KHDRBS2: variants seen among roughly 807,000 people sequenced by gnomAD.
KHDRBS2 encodes KH RNA binding domain containing, signal transduction associated 2, also known as KH domain-containing, RNA-binding, signal transduction-associated protein 2.
KHDRBS2 carries 26 observed loss-of-function variants against 44.3 expected under a neutral mutation model. That is an observed-to-expected ratio of 0.59 (90% CI 0.43 to 0.81). KHDRBS2 has a LOEUF of 0.81. KHDRBS2 is among the 40% of genes least tolerant of loss of function. KHDRBS2 has a pLI of 0.00. For synonymous variants in KHDRBS2, 194 were observed against 151.1 expected (o/e 1.28, Z -2.08); for missense variants, 476 against 433.1 (o/e 1.10, Z -0.88).
chr6:61,576,425 C>A, the KHDRBS2 span, among the ~76,000 whole-genome samples: 3 of 152,026 alleles, frequency 2.0e-5, no homozygotes, highest in Non-Finnish European at 4.4e-5. Context: ...ATTTTGTATG[C>A]TGAAACTTTA....
intron 6 of KHDRBS2, among the ~76,000 whole-genome samples, chr6:61,766,760 T>C (rs1403947221): frequency 6.6e-6 from 1 of 152,138 alleles, no homozygotes; most frequent in Admixed American, 6.6e-5. Context: ...TCCATGTGGA[T>C]GTATAGTTTT....
chr6:61,816,820 A>C (rs1438218234), intron 6 of KHDRBS2: 1 of 383,050 alleles, frequency 2.6e-6, no homozygotes, highest in Non-Finnish European at 5.2e-6. Flanking sequence ...ATTTTATATT[A>C]ATATTTTAGT....
intron 1 of KHDRBS2, among the ~76,000 whole-genome samples, chr6:62,252,609 T>G (rs1836736402): frequency 1.3e-5 from 2 of 152,004 alleles, no homozygotes; most frequent in Non-Finnish European, 2.9e-5. Flanking sequence ...AGCTCAATAC[T>G]TATGTACTGA....
the KHDRBS2 span, among the ~76,000 whole-genome samples, chr6:61,603,792 G>A: frequency 6.6e-6 from 1 of 151,938 alleles, no homozygotes; most frequent in African/African-American, 2.4e-5. Context: ...TTCCTGGCTG[G>A]CCTTCAATCC....
At chr6:61,802,039 G>T (rs1786362475) in intron 6 of KHDRBS2, among the ~76,000 whole-genome samples, 1 of 152,140 alleles carries the variant, frequency 6.6e-6, no homozygotes, top group African/African-American at 2.4e-5. Context: ...GATGGAAAGG[G>T]TCACATGAGA....
At chr6:61,591,149 G>T in the KHDRBS2 span, among the ~76,000 whole-genome samples, 1 of 152,116 alleles carries the variant, frequency 6.6e-6, no homozygotes, top group Admixed American at 6.6e-5. Context: ...TGCACTTGTG[G>T]GGAAATAATG....
At chr6:62,059,198 G>T (rs1233618271) in intron 2 of KHDRBS2, among the ~76,000 whole-genome samples, 39 of 24,884 alleles carry the variant, frequency 1.6e-3, no homozygotes, top group South Asian at 5.0e-3. Flanking sequence ...AAGTTAGGAA[G>T]TTTTTTTTTT....
chr6:61,625,837 T>C, the KHDRBS2 span, among the ~76,000 whole-genome samples: 1 of 152,206 alleles, frequency 6.6e-6, no homozygotes, highest in Non-Finnish European at 1.5e-5. Context: ...CCTATGAAAG[T>C]TCTCATTGTG....
At chr6:61,660,822 A>T in the KHDRBS2 span, among the ~76,000 whole-genome samples, 3 of 151,840 alleles carry the variant, frequency 2.0e-5, no homozygotes, top group Admixed American at 6.6e-5. Context: ...GAGTACAGTC[A>T]TACTTTAGGC....
chr6:61,666,743 A>G, the KHDRBS2 span, among the ~76,000 whole-genome samples: 27 of 151,538 alleles, frequency 1.8e-4, no homozygotes, highest in East Asian at 5.1e-3. Context: ...GTAAAACACT[A>G]AACTCTCTAA....
intron 6 of KHDRBS2, among the ~76,000 whole-genome samples, chr6:61,887,635 T>C (rs73487351): frequency 6.6e-6 from 1 of 152,312 alleles, no homozygotes; most frequent in African/African-American, 2.4e-5. Context: ...AGAAATTTAA[T>C]GCTGAGGCTC....
At chr6:61,559,155 A>T in the KHDRBS2 span, among the ~76,000 whole-genome samples, 1 of 152,052 alleles carries the variant, frequency 6.6e-6, no homozygotes. Context: ...TTGATTTTTT[A>T]TCATTATATA....
chr6:61,679,258 G>A (rs1209373255), downstream of KHDRBS2, among the ~76,000 whole-genome samples: 2 of 151,936 alleles, frequency 1.3e-5, no homozygotes, highest in East Asian at 3.9e-4. Context: ...GCTTACATTT[G>A]AAGTTAGCAA....
intron 2 of KHDRBS2, among the ~76,000 whole-genome samples, chr6:62,054,382 T>C (rs1364526289): frequency 6.6e-6 from 1 of 152,064 alleles, no homozygotes; most frequent in Non-Finnish European, 1.5e-5. Context: ...CCTGTGTATG[T>C]TAAAATGACA....
chr6:61,582,679 G>GTAGT, the KHDRBS2 span, among the ~76,000 whole-genome samples: 1 of 136,114 alleles, frequency 7.3e-6, no homozygotes, highest in African/African-American at 2.7e-5. Flanking sequence ...ATTCCTTATG[G>GTAGT]TAGTTATTAT....
At chr6:62,178,807 C>A (rs1033878211) in intron 1 of KHDRBS2, among the ~76,000 whole-genome samples, 10 of 151,310 alleles carry the variant, frequency 6.6e-5, no homozygotes, top group African/African-American at 1.9e-4. Flanking sequence ...AAAATACTAA[C>A]TAAGATAAGA....
At chr6:62,111,079 A>T (rs543352728) in intron 2 of KHDRBS2, among the ~76,000 whole-genome samples, 3 of 152,190 alleles carry the variant, frequency 2.0e-5, no homozygotes, top group East Asian at 3.9e-4. Flanking sequence ...GTAACAACCA[A>T]GTTTAGAACT....
chr6:61,848,562 T>C lies in KHDRBS2; in HGVS notation c.810+46073A>G, dbSNP rs186792023. On this transcript the variant is annotated intron_variant, in intron 6 of 8. Transcript: ENST00000281156. Reference sequence around the variant, plus strand: ...ATATGTATATATATACATATATATATGTATATATATATACATATATATATA... The same window carrying C: ...ATATGTATATATATACATATATATACGTATATATATATACATATATATATA... Among the ~76,000 whole-genome samples the C allele has an allele frequency of 9.0e-3, 282 of 31,428 alleles. 22 individuals are homozygous for C. The highest frequency in any genetic ancestry group is 0.012 in the Non-Finnish European group (206 of 16,664). 20.6% of individuals were successfully genotyped at this position (31,428 alleles called of 152,430 possible). A position where few individuals can be genotyped will look rare whatever the true frequency, so the allele number is the denominator to read the frequency against.
At chr6:62,221,864 C>A (rs1830955293) in intron 1 of KHDRBS2, among the ~76,000 whole-genome samples, 3 of 152,046 alleles carry the variant, frequency 2.0e-5, no homozygotes, top group Non-Finnish European at 4.4e-5. Context: ...TGAGAATTCA[C>A]AAATTTTAAA....
Sources: allele counts gnomAD v4.1 joint callset (sites outside exome capture counted in the v4.1 genomes callset), GRCh38; gene constraint gnomAD v4.1.1; transcripts MANE v1.5; gene names NCBI Gene and HGNC (gene_info 2026-07-23, HGNC 2026-07-21).